SLC2A14: variants seen among roughly 807,000 people sequenced by gnomAD.
The protein encoded by SLC2A14 is solute carrier family 2 member 14, also known as solute carrier family 2, facilitated glucose transporter member 14.
Under a neutral mutation model 43.0 loss-of-function variants are expected in SLC2A14, and 13 were observed. That is an observed-to-expected ratio of 0.30 (90% CI 0.20 to 0.48). The LOEUF is 0.48. SLC2A14 is among the 20% of genes least tolerant of loss of function. SLC2A14 has a pLI of 0.99. For synonymous variants in SLC2A14, 190 were observed against 233.8 expected, an observed-to-expected ratio of 0.81 and a Z score of 1.71; for missense variants, 428 against 620.4, an observed-to-expected ratio of 0.69 and a Z score of 3.29.
At chr12:7,875,507 C>CA (rs1218495122), upstream of SLC2A14, among the ~76,000 whole-genome samples, 60 of 138,600 alleles carry the variant, frequency 4.3e-4, 1 homozygote, top group South Asian at 4.8e-3. Context: ...GACTCCCTTT[C>CA]AAAAAAAAAA....
intron 2 of SLC2A14, chr12:7,856,321 G>A (rs1019884438): frequency 3.3e-5 from 5 of 152,044 alleles, no homozygotes; most frequent in South Asian, 2.1e-4. Context: ...TCCCACGAGC[G>A]GGGGACCACA....
chr12:7,873,305 G>A, upstream of SLC2A14: 1 of 985,376 alleles, frequency 1.0e-6, no homozygotes, highest in Non-Finnish European at 1.2e-6. Context: ...ATCCCCGCGG[G>A]CGGGCCGGCT....
chr12:7,868,583 T>C (rs928547492), intron 2 of SLC2A14, among the ~76,000 whole-genome samples: 1 of 152,176 alleles, frequency 6.6e-6, no homozygotes, highest in Non-Finnish European at 1.5e-5. Flanking sequence ...AGAGTGCCTG[T>C]AGTATAATAG....
intron 7 of SLC2A14, among the ~76,000 whole-genome samples, chr12:7,824,897 G>T (rs180922383): frequency 0.019 from 2,864 of 151,900 alleles, 82 homozygotes; most frequent in African/African-American, 0.065. Context: ...CTTTTGCCAT[G>T]TTGGTCAGGC....
At chr12:7,859,126 T>C (rs755259917) in intron 2 of SLC2A14, among the ~76,000 whole-genome samples, 1 of 152,096 alleles carries the variant, frequency 6.6e-6, no homozygotes, top group African/African-American at 2.4e-5. Flanking sequence ...TGATGGCTGG[T>C]GCCTGTAATC....
intron 2 of SLC2A14, among the ~76,000 whole-genome samples, chr12:7,867,099 GA>G (rs1944953670): frequency 6.6e-6 from 1 of 151,784 alleles, no homozygotes; most frequent in Non-Finnish European, 1.5e-5. Context: ...CTAACACGGT[GA>G]AACCCCGTCT....
exon 1 of SLC2A14, chr12:7,891,022 T>C: frequency 6.5e-7 from 1 of 1,535,146 alleles, no homozygotes; most frequent in Non-Finnish European, 8.7e-7. Context: ...CCATTCTGAC[T>C]CTTCTCCAGA....
At chr12:7,878,906 G>C (rs1284395734) in intron 1 of SLC2A14, among the ~76,000 whole-genome samples, 1 of 142,646 alleles carries the variant, frequency 7.0e-6, no homozygotes, top group African/African-American at 2.5e-5. Flanking sequence ...GAACCAGGGA[G>C]TCGGAGGTTG....
chr12:7,823,661 G>A (rs1356646964), intron 7 of SLC2A14, among the ~76,000 whole-genome samples: 2 of 151,786 alleles, frequency 1.3e-5, no homozygotes, highest in East Asian at 1.9e-4. Context: ...TGGAGGTTGC[G>A]GTGAGCCGAG....
At chr12:7,825,263 C>CTATCTTGG (rs1555120633) in intron 7 of SLC2A14, among the ~76,000 whole-genome samples, 2 of 134,558 alleles carry the variant, frequency 1.5e-5, no homozygotes, top group Non-Finnish European at 3.2e-5. Context: ...GAGTTCAAGA[C>CTATCTTGG]CAGACTGGTC....
upstream of SLC2A14, among the ~76,000 whole-genome samples, chr12:7,876,741 T>C (rs1945469616): frequency 6.6e-6 from 1 of 152,046 alleles, no homozygotes; most frequent in South Asian, 2.1e-4. Context: ...TAATGGGACC[T>C]AAGCTCTGTC....
In SLC2A14 at chr12:7,817,789, T is replaced by C. The variant is rs746120329; in HGVS notation, c.1275+42A>G. The C allele has an allele frequency of 8.8e-5, 134 of 1,530,218 alleles. 1 individual carries two copies. The African/African-American group carries it at 1.5e-3, about 17-fold the overall frequency. The allele number at this position is 1,530,218 out of a possible 1,614,324, so 94.8% of individuals were successfully genotyped here. ...ATAGATAGATAGATAGACAGATACA[T>C]AGATAGATACATAGATACATAGATA... is the stretch of plus-strand genomic sequence containing the variant. On this transcript the variant is annotated intron_variant, in intron 10 of 10. Coordinates refer to ENST00000431042, the MANE Select transcript of SLC2A14 (RefSeq NM_001286234.2).
At chr12:7,867,645 G>A (rs1010028715) in intron 2 of SLC2A14, among the ~76,000 whole-genome samples, 1 of 152,018 alleles carries the variant, frequency 6.6e-6, no homozygotes, top group African/African-American at 2.4e-5. Context: ...AGGAGTTTGA[G>A]ACCAGCCTGG....
chr12:7,881,408 G>A (rs1488087071), intron 1 of SLC2A14, among the ~76,000 whole-genome samples: 1 of 152,004 alleles, frequency 6.6e-6, no homozygotes, highest in Non-Finnish European at 1.5e-5. Context: ...CCCGGGCAAT[G>A]AGGGATTTAG....
chr12:7,875,365 G>A (rs146671636), upstream of SLC2A14, among the ~76,000 whole-genome samples: 3 of 149,734 alleles, frequency 2.0e-5, no homozygotes, highest in Admixed American at 6.8e-5. Flanking sequence ...AAAATTAGCC[G>A]GGCATGGTGA....
At chr12:7,868,755 C>G (rs1323624458) in intron 2 of SLC2A14, among the ~76,000 whole-genome samples, 1 of 152,148 alleles carries the variant, frequency 6.6e-6, no homozygotes, top group Non-Finnish European at 1.5e-5. Context: ...TGGCTGTAAT[C>G]CCAGCATTTT....
chr12:7,853,714 G>A (rs953400210), intron 2 of SLC2A14, among the ~76,000 whole-genome samples: 5 of 152,158 alleles, frequency 3.3e-5, no homozygotes, highest in African/African-American at 9.7e-5. Context: ...TTCTGGTCAC[G>A]TTAGTCCTTG....
chr12:7,875,034 TATAA>T (rs1945427940), upstream of SLC2A14, among the ~76,000 whole-genome samples: 2 of 115,388 alleles, frequency 1.7e-5, no homozygotes, highest in South Asian at 2.5e-4. Context: ...TAAATACATA[TATAA>T]ATATATATTT....
intron 2 of SLC2A14, among the ~76,000 whole-genome samples, chr12:7,849,983 C>T (rs1866790042): frequency 6.7e-6 from 1 of 149,006 alleles, no homozygotes; most frequent in African/African-American, 2.5e-5. Flanking sequence ...AAGTCCCTGA[C>T]CTCAAAAGTT....
Sources: gnomAD v4.1 joint callset for allele counts (sites outside exome capture counted in the v4.1 genomes callset) on GRCh38, gnomAD v4.1.1 for gene constraint, MANE v1.5 for transcripts, NCBI Gene and HGNC (gene_info 2026-07-23, HGNC 2026-07-21) for gene names.